SND1: variants seen among roughly 807,000 people sequenced by gnomAD.
SND1 encodes the protein staphylococcal nuclease domain-containing protein 1.
SND1 carries 38 observed loss-of-function variants against 121.7 expected under a neutral mutation model. The ratio of observed to expected loss-of-function variants is 0.31; its 90% CI spans 0.24 to 0.41. SND1 has a LOEUF of 0.41. Ranked by LOEUF, SND1 falls within the 10% of genes least tolerant of loss-of-function variation. The pLI is 1.00. For missense variants in SND1, 868 were observed against 1,184.6 expected (o/e 0.73, Z 3.92); for synonymous variants, 401 against 447.4 (o/e 0.90, Z 1.31).
At chr7:127,982,768 A>AT (rs1317131970) in intron 15 of SND1, among the ~76,000 whole-genome samples, 1 of 152,178 alleles carries the variant, frequency 6.6e-6, no homozygotes. Flanking sequence ...TAGTGAACTG[A>AT]TTCATTGACA....
Position 127,665,478 on chromosome 7 carries a change from C to T in SND1, c.78+13027C>T, listed in dbSNP as rs540759531. Among the ~76,000 whole-genome samples the T allele has an allele frequency of 2.3e-4, 35 of 152,206 alleles. No homozygotes were observed. The East Asian group carries it at 5.6e-3, about 24-fold the overall frequency. On this transcript the variant is annotated intron_variant, in intron 1 of 23. Transcript: ENST00000354725. ...CTGGGATTACAGGCGTGAGACACCG[C>T]GCCCGGCCGACAGTCAACAATTTTT...
At position 128,084,805 on chromosome 7, in the gene SND1, G is replaced by A. The variant is rs552426263; in HGVS notation, c.2192G>A (p.Arg731His). The change falls in exon 19 of 24, where the codon CGC becomes CAC. Residue 731 changes from arginine (R) to histidine (H), a missense_variant. Arg to His is a conservative substitution (Grantham distance 29). Transcript: ENST00000354725. ...CCTGTAGAGGGCTCCTATGCCCCCCGCAGGGGAGAGTTCTGCATTGCCAAA... is the reference window on the plus strand; with the variant it reads ...CCTGTAGAGGGCTCCTATGCCCCCCACAGGGGAGAGTTCTGCATTGCCAAA... Reference protein sequence around the residue: ...HPPVEGSYAPRRGEFCIAKFV... With the variant: ...HPPVEGSYAPHRGEFCIAKFV... The A allele has an allele frequency of 7.5e-6, 12 of 1,607,098 alleles. No homozygotes were observed. Among genetic ancestry groups the A allele is most frequent in the East Asian group, 6.7e-5 (3 of 44,564 alleles).
chr7:128,080,645 G>C (rs556396803), intron 17 of SND1, among the ~76,000 whole-genome samples: 1 of 152,136 alleles, frequency 6.6e-6, no homozygotes, highest in African/African-American at 2.4e-5. Flanking sequence ...AGAGAGGTGC[G>C]GGTGTGAGGA....
At chr7:127,952,312 A>G (rs1424933446) in intron 15 of SND1, among the ~76,000 whole-genome samples, 2 of 152,186 alleles carry the variant, frequency 1.3e-5, no homozygotes, top group East Asian at 1.9e-4. Context: ...TTTTGTAGTC[A>G]TATTTGTGGC....
At chr7:128,077,212 T>C (rs1292548821) in intron 17 of SND1, among the ~76,000 whole-genome samples, 1 of 152,218 alleles carries the variant, frequency 6.6e-6, no homozygotes, top group East Asian at 1.9e-4. Flanking sequence ...GCAGCAATGT[T>C]AAACAGGATT....
chr7:127,958,475 C>G (rs1177075334), intron 15 of SND1, among the ~76,000 whole-genome samples: 1 of 152,194 alleles, frequency 6.6e-6, no homozygotes, highest in Non-Finnish European at 1.5e-5. Flanking sequence ...ATGCGCAGAA[C>G]TAGGGCTAGC....
At chr7:127,710,497 T>A (rs1796279741) in intron 9 of SND1, among the ~76,000 whole-genome samples, 1 of 151,872 alleles carries the variant, frequency 6.6e-6, no homozygotes, top group Admixed American at 6.6e-5. Flanking sequence ...AGTTGATTAA[T>A]GTTCTAGTAC....
intron 15 of SND1, among the ~76,000 whole-genome samples, chr7:127,987,497 A>G (rs1280060438): frequency 6.6e-6 from 1 of 152,156 alleles, no homozygotes; most frequent in African/African-American, 2.4e-5. Context: ...TTTGGCTCAG[A>G]ATGTTACCAT....
chr7:127,760,968 A>G lies in SND1; in HGVS notation c.1152+39568A>G, dbSNP rs1243459685. 2.0e-5 allele frequency among the ~76,000 whole-genome samples: 3 copies of G among 152,196 alleles called. No individual in the cohort carries two copies. The East Asian group carries it at 5.8e-4, about 29-fold the overall frequency. On this transcript the variant is annotated intron_variant, in intron 10 of 23. Coordinates refer to ENST00000354725, the MANE Select transcript of SND1 (RefSeq NM_014390.4). ...TCCTCAGAATTCTGGTTTATATCATAATCTTTAGAGAACATTTAAACCGTA... is the reference window on the plus strand; with the variant it reads ...TCCTCAGAATTCTGGTTTATATCATGATCTTTAGAGAACATTTAAACCGTA...
intron 11 of SND1, among the ~76,000 whole-genome samples, chr7:127,832,511 G>A (rs1320653088): frequency 6.6e-6 from 1 of 152,226 alleles, no homozygotes; most frequent in African/African-American, 2.4e-5. Flanking sequence ...TGAAAATTCT[G>A]TAGATCTGCA....
intron 10 of SND1, among the ~76,000 whole-genome samples, chr7:127,744,372 T>TA (rs1476316505): frequency 6.6e-6 from 1 of 152,168 alleles, no homozygotes; most frequent in African/African-American, 2.4e-5. Context: ...TGTTTTATTT[T>TA]AAAAAGCAGG....
At chr7:127,728,471 C>T (rs1319265287) in intron 10 of SND1, among the ~76,000 whole-genome samples, 1 of 152,220 alleles carries the variant, frequency 6.6e-6, no homozygotes, top group Non-Finnish European at 1.5e-5. Context: ...ATATTCACTG[C>T]CCTGTGAGCA....
chr7:127,929,901 T>C (rs1800926092), intron 15 of SND1, among the ~76,000 whole-genome samples: 1 of 152,236 alleles, frequency 6.6e-6, no homozygotes, highest in South Asian at 2.1e-4. Context: ...GATGCTCCTT[T>C]CTTTGCTGAC....
chr7:127,823,967 C>T (rs996583158), intron 11 of SND1, among the ~76,000 whole-genome samples: 1 of 152,138 alleles, frequency 6.6e-6, no homozygotes, highest in Non-Finnish European at 1.5e-5. Context: ...TTTATTTACT[C>T]ATATCATAGT....
At chr7:128,054,976 G>T (rs1469621818) in intron 16 of SND1, among the ~76,000 whole-genome samples, 1 of 152,250 alleles carries the variant, frequency 6.6e-6, no homozygotes, top group Non-Finnish European at 1.5e-5. Context: ...GATGTCTGCA[G>T]TGTAGAGTTA....
rs1793476586 is a variant in SND1 at position 128,074,689 on chromosome 7, A to G, written c.1967A>G (p.Lys656Arg). 1 of 1,608,752 alleles carries G rather than the reference A, an allele frequency of 6.2e-7. No homozygotes were observed. Among genetic ancestry groups the G allele is most frequent in the African/African-American group, 1.3e-5 (1 of 74,794 alleles). Residue 656 changes from lysine to arginine, a missense_variant and splice_region_variant, in exon 17 of 24, where the codon AAG becomes AGG. Physicochemically the swap from Lys to Arg is conservative, Grantham distance 26 (BLOSUM62 2). Transcript: ENST00000354725. ...AEEAAKQKKE[K>R]VWAHYEEQPV... ...GAGGCCGCAAAGCAGAAGAAAGAGA[A>G]GGTACATGTGGCAGCCCAGCTGTGC...
At chr7:127,985,536 G>C (rs1250030810) in intron 15 of SND1, among the ~76,000 whole-genome samples, 2 of 152,236 alleles carry the variant, frequency 1.3e-5, no homozygotes, top group Non-Finnish European at 2.9e-5. Context: ...GGGATTACAG[G>C]CTTCAGCCAC....
chr7:127,908,825 G>A (rs1483986784), intron 14 of SND1, among the ~76,000 whole-genome samples: 2 of 152,116 alleles, frequency 1.3e-5, no homozygotes, highest in Non-Finnish European at 2.9e-5. Flanking sequence ...TGTTTTTGCT[G>A]TAGCCTGCTC....
chr7:127,932,177 A>G (rs1800968488), intron 15 of SND1, among the ~76,000 whole-genome samples: 1 of 152,272 alleles, frequency 6.6e-6, no homozygotes, highest in Non-Finnish European at 1.5e-5. Flanking sequence ...TTTAAATGCC[A>G]TTGAGAACAT....
Sources: gnomAD v4.1 joint callset for allele counts (sites outside exome capture counted in the v4.1 genomes callset) on GRCh38, gnomAD v4.1.1 for gene constraint, MANE v1.5 for transcripts, NCBI Gene and HGNC (gene_info 2026-07-23, HGNC 2026-07-21) for gene names.